Variants in WDR64 observed in about 807,000 individuals in gnomAD.
The protein encoded by WDR64 is WD repeat domain 64, also known as WD repeat-containing protein 64.
WDR64 carries 112 observed loss-of-function variants against 139.3 expected under a neutral mutation model. The ratio of observed to expected loss-of-function variants is 0.80; its 90% confidence interval spans 0.69 to 0.94. WDR64 has a LOEUF of 0.94. Among genes scored for constraint, WDR64 ranks in the 40% least tolerant of loss-of-function variants. WDR64 has a pLI of 0.00. For missense variants in WDR64, 1,206 were observed against 1,293.1 expected, an observed-to-expected ratio of 0.93 and a Z score of 1.03; for synonymous variants, 444 against 437.7, an observed-to-expected ratio of 1.01 and a Z score of -0.18.
At chr1:241,767,187 C>T (rs891430762) in intron 16 of WDR64, among the ~76,000 whole-genome samples, 26 of 152,172 alleles carry the variant, frequency 1.7e-4, no homozygotes, top group African/African-American at 6.0e-4. Context: ...GTAGCATATC[C>T]TTCTCATTCA....
At chr1:241,706,615 T>A (rs1185792982) in intron 8 of WDR64, among the ~76,000 whole-genome samples, 9 of 152,264 alleles carry the variant, frequency 5.9e-5, no homozygotes. Context: ...GATAGAAGGA[T>A]AACTACTTAC....
chr1:241,720,746 G>T (rs758350772), intron 9 of WDR64, among the ~76,000 whole-genome samples: 2 of 152,110 alleles, frequency 1.3e-5, no homozygotes, highest in Non-Finnish European at 2.9e-5. Context: ...CCATTCTGTA[G>T]GTTGTCTGTC....
intron 13 of WDR64, 118 bp downstream of exon 13, chr1:241,744,634 G>A: frequency 1.5e-6 from 2 of 1,371,100 alleles, no homozygotes; most frequent in Non-Finnish European, 9.9e-7. Flanking sequence ...CTATGTCTGG[G>A]TGCCAGTGAA....
At chr1:241,748,979 A>T (rs1669876472) in intron 13 of WDR64, among the ~76,000 whole-genome samples, 1 of 134,646 alleles carries the variant, frequency 7.4e-6, no homozygotes. Flanking sequence ...AAGAAAAGAA[A>T]AGAAAAGAAA....
In WDR64 at chr1:241,756,613, A is replaced by C. The variant is rs1467161892; in HGVS notation, c.1771-670A>C. Among the ~76,000 whole-genome samples the C allele has an allele frequency of 2.0e-5, 3 of 152,228 alleles. No individual in the cohort carries two copies. In the East Asian group the frequency reaches 5.8e-4, roughly 29 times the overall value. ...AGAAAATAAAATAATACCAAGTGTT[A>C]GCAAGAATATGAAGAAAGGGAAACT... On this transcript the variant is annotated intron_variant, in intron 14 of 27. Transcript: ENST00000437684.
intron 5 of WDR64, among the ~76,000 whole-genome samples, chr1:241,678,775 C>T (rs1419010955): frequency 6.8e-6 from 1 of 146,270 alleles, no homozygotes; most frequent in Non-Finnish European, 1.5e-5. Flanking sequence ...GCACTGAATA[C>T]CCTGAACTAC....
intron 7 of WDR64, among the ~76,000 whole-genome samples, chr1:241,685,159 A>C (rs1008800347): frequency 6.7e-6 from 1 of 150,122 alleles, no homozygotes; most frequent in African/African-American, 2.4e-5. Context: ...ATATAAATAT[A>C]TAATATAAAC....
At chr1:241,781,871 T>C (rs1278638532) in intron 22 of WDR64, among the ~76,000 whole-genome samples, 1 of 152,274 alleles carries the variant, frequency 6.6e-6, no homozygotes. Flanking sequence ...TATATGTATA[T>C]GTTCATGGAG....
Position 241,757,370 on chromosome 1 carries a change from C to T in WDR64, c.1858C>T (p.Leu620=), listed in dbSNP as rs756446469. The T allele has an allele frequency of 4.3e-6, 7 of 1,613,966 alleles. No individual in the cohort carries two copies. The African/African-American group carries it at 5.3e-5, about 12-fold the overall frequency. The change falls in exon 15 of 28, where the codon CTG becomes TTG. Residue 620 remains leucine (L), a synonymous_variant. Coordinates refer to ENST00000437684, the MANE Select transcript of WDR64 (RefSeq NM_001367482.1). The part of the protein sequence containing the change: ...FLQDGKHAVH[L]RMSTRDRNMA... ...ACAAGATGGGAAACATGCTGTGCAT[C>T]TGAGAATGTCTACTAGAGACAGGAA...
intron 10 of WDR64, among the ~76,000 whole-genome samples, chr1:241,727,438 C>T (rs1392350795): frequency 6.6e-6 from 1 of 152,098 alleles, no homozygotes; most frequent in African/African-American, 2.4e-5. Context: ...TCAGTAGCAC[C>T]ACTTGGGAAA....
At chr1:241,765,765 A>G (rs1004106624) in intron 15 of WDR64, among the ~76,000 whole-genome samples, 5 of 152,244 alleles carry the variant, frequency 3.3e-5, no homozygotes, top group African/African-American at 1.2e-4. Flanking sequence ...TATCTAACAT[A>G]GTAGATATCT....
At position 241,757,420 on chromosome 1, in the gene WDR64, C is replaced by T. The variant is rs768036054; in HGVS notation, c.1908C>T (p.Val636=). The change falls in exon 15 of 28, where the codon GTC becomes GTT. Residue 636 remains valine (V), a synonymous_variant. Coordinates refer to ENST00000437684, the MANE Select transcript of WDR64 (RefSeq NM_001367482.1). The part of the protein sequence containing the change: ...DRNMAIPFPD[V]ELIVERNFSQ... ...ACATGGCTATTCCTTTCCCAGATGT[C>T]GAGTTGATAGTTGAGAGGAACTTTT... 9 of 1,613,094 alleles carry T rather than the reference C, an allele frequency of 5.6e-6. No homozygotes were observed. Among genetic ancestry groups the T allele is most frequent in the Admixed American group, 3.3e-5 (2 of 59,896 alleles).
At chr1:241,667,859 G>T (rs1046910514) in intron 2 of WDR64, among the ~76,000 whole-genome samples, 3 of 152,214 alleles carry the variant, frequency 2.0e-5, no homozygotes, top group Non-Finnish European at 2.9e-5. Context: ...AACCATTGTT[G>T]TTTTAAATTG....
intron 10 of WDR64, among the ~76,000 whole-genome samples, chr1:241,726,658 AAT>A (rs1159944352): frequency 2.6e-5 from 4 of 152,160 alleles, no homozygotes; most frequent in African/African-American, 7.2e-5. Context: ...TATGTAAATG[AAT>A]AGTCATATGA....
At chr1:241,704,108 T>C (rs749290208) in intron 8 of WDR64, among the ~76,000 whole-genome samples, 1 of 152,168 alleles carries the variant, frequency 6.6e-6, no homozygotes, top group African/African-American at 2.4e-5. Flanking sequence ...TGGGCCCACA[T>C]TGTACACGAA....
intron 14 of WDR64, among the ~76,000 whole-genome samples, chr1:241,753,510 C>T (rs753110403): frequency 6.6e-6 from 1 of 152,122 alleles, no homozygotes; most frequent in Non-Finnish European, 1.5e-5. Context: ...TCAAGACCAT[C>T]CTGGCCAATA....
intron 14 of WDR64, among the ~76,000 whole-genome samples, chr1:241,754,791 A>T (rs1009132171): frequency 6.6e-6 from 1 of 150,676 alleles, no homozygotes; most frequent in East Asian, 1.9e-4. Context: ...TCATTGTTCA[A>T]CTCCCACTTA....
At chr1:241,673,790 C>T (rs1666341859) in intron 3 of WDR64, among the ~76,000 whole-genome samples, 1 of 152,058 alleles carries the variant, frequency 6.6e-6, no homozygotes, top group Admixed American at 6.6e-5. Flanking sequence ...TCATTCAGTG[C>T]ATGGCCATAG....
At chr1:241,797,307 A>G (rs2148334579) in intron 27 of WDR64, among the ~76,000 whole-genome samples, 1 of 152,330 alleles carries the variant, frequency 6.6e-6, no homozygotes, top group East Asian at 1.9e-4. Context: ...CAATGAAACC[A>G]TGATAGCCTA....
Sources: gnomAD v4.1 joint callset for allele counts (sites outside exome capture counted in the v4.1 genomes callset) on GRCh38, gnomAD v4.1.1 for gene constraint, MANE v1.5 for transcripts, NCBI Gene and HGNC (gene_info 2026-07-23, HGNC 2026-07-21) for gene names.